The following IL1R2 variants were observed in gnomAD, a reference collection of about 807,000 sequenced individuals.
IL1R2 encodes the protein interleukin-1 receptor type 2.
IL1R2 carries 46 observed loss-of-function variants against 39.5 expected under a neutral mutation model. The observed-to-expected ratio is 1.16, with a 90% confidence interval of 0.92 to 1.49. The LOEUF (loss-of-function observed/expected upper bound fraction) is 1.49, where lower values mean the gene tolerates loss of function less well. Ranked by LOEUF, IL1R2 falls within the 40% of genes most tolerant of loss-of-function variation. The pLI, the probability that IL1R2 is intolerant of heterozygous loss-of-function variation, is 0.00. For synonymous variants in IL1R2, 207 were observed against 189.6 expected, an observed-to-expected ratio of 1.09 and a Z score of -0.75; for missense variants, 537 against 502.0, an observed-to-expected ratio of 1.07 and a Z score of -0.67.
At chr2:102,019,559 T>C in intron 4 of IL1R2, 79 bp from the exon 5 acceptor site, 2 of 1,012,390 alleles carry the variant, frequency 2.0e-6, no homozygotes, top group East Asian at 2.6e-5. Flanking sequence ...CCCACATTGG[T>C]TGATAATGAT....
rs1334099415 is a variant in IL1R2, at chr2:102,015,976, C to T, written c.438C>T (p.Thr146=). ...ACCCGCAAATTTTAACCTTGTCAAC[C>T]TCTGGGGTATTAGTATGCCCTGACC... is the stretch of plus-strand genomic sequence containing the variant. ...ISYPQILTLS[T]SGVLVCPDLS... The change falls in exon 4 of 9, where the codon ACC becomes ACT. Residue 146 remains threonine (T), a synonymous_variant. Coordinates refer to ENST00000332549, the MANE Select transcript of IL1R2 (RefSeq NM_004633.4). 6.2e-7 allele frequency: 1 copy of T among 1,613,848 alleles called. No individual in the cohort carries two copies. The highest frequency in any genetic ancestry group is 1.7e-5 in the Admixed American group (1 of 60,028).
At chr2:102,013,545 AAAAAAAAG>A (rs1676774908) in intron 3 of IL1R2, among the ~76,000 whole-genome samples, 1 of 143,750 alleles carries the variant, frequency 7.0e-6, no homozygotes, top group Non-Finnish European at 1.5e-5. Context: ...AAAAAAAAAA[AAAAAAAAG>A]GAAAGAAAGA....
chr2:102,011,561 A>G lies in IL1R2; in HGVS notation c.332+1735A>G, dbSNP rs75505703. Among the ~76,000 whole-genome samples the G allele has an allele frequency of 1.0e-3, 152 of 152,266 alleles. 3 individuals are homozygous for G. The East Asian group carries it at 0.027, about 27-fold the overall frequency. Reference sequence around the variant, plus strand: ...CTGGAGACACAGACATATCTCCTTTATGGACTCTAAGTCCTTTGCCCATTT... The same window carrying G: ...CTGGAGACACAGACATATCTCCTTTGTGGACTCTAAGTCCTTTGCCCATTT... On this transcript the variant is annotated intron_variant, in intron 3 of 8. Transcript: ENST00000332549.
chr2:102,019,875 A>G (rs1314282621), intron 5 of IL1R2, 63 bp downstream of exon 5: 1 of 1,388,578 alleles, frequency 7.2e-7, no homozygotes. Context: ...CAGAGAACAA[A>G]TGACGGTGCA....
chr2:102,013,564 AAAG>A (rs1416480348), intron 3 of IL1R2, among the ~76,000 whole-genome samples: 1 of 144,318 alleles, frequency 6.9e-6, no homozygotes, highest in Non-Finnish European at 1.5e-5. Flanking sequence ...GAAAGAAAGA[AAAG>A]AAAAGAAGGA....
At chr2:101,996,910 AG>A (rs1423628206) in intron 1 of IL1R2, among the ~76,000 whole-genome samples, 1 of 65,678 alleles carries the variant, frequency 1.5e-5, no homozygotes, top group Non-Finnish European at 2.5e-5. Flanking sequence ...CCACTAGGGC[AG>A]GGGAATTAAG....
intron 3 of IL1R2, 153 bp downstream of exon 3, chr2:102,009,979 C>T (rs964996808): frequency 3.7e-6 from 3 of 811,794 alleles, no homozygotes; most frequent in East Asian, 2.6e-5. Flanking sequence ...TGACACCCCC[C>T]CCAACCCTAC....
At chr2:102,014,357 G>A (rs1425471298) in intron 3 of IL1R2, among the ~76,000 whole-genome samples, 2 of 152,200 alleles carry the variant, frequency 1.3e-5, no homozygotes, top group African/African-American at 4.8e-5. Context: ...ACACAGCACA[G>A]GGTCTGGCCT....
At chr2:102,007,176 T>C (rs1331118929) in intron 1 of IL1R2, among the ~76,000 whole-genome samples, 1 of 152,096 alleles carries the variant, frequency 6.6e-6, no homozygotes, top group African/African-American at 2.4e-5. Context: ...AGGGAACACT[T>C]GTGATAGTGT....
intron 3 of IL1R2, among the ~76,000 whole-genome samples, chr2:102,015,605 C>G (rs1007665801): frequency 6.6e-6 from 1 of 152,136 alleles, no homozygotes; most frequent in Non-Finnish European, 1.5e-5. Flanking sequence ...TAACACAAAA[C>G]GTATTTTGTA....
intron 3 of IL1R2, among the ~76,000 whole-genome samples, chr2:102,011,453 T>C (rs890203024): frequency 7.9e-5 from 12 of 152,238 alleles, no homozygotes; most frequent in Non-Finnish European, 1.6e-4. Context: ...GGGTCTCTCA[T>C]TGTGGCTTTG....
At chr2:102,015,579 G>T (rs1676942784) in intron 3 of IL1R2, among the ~76,000 whole-genome samples, 1 of 152,204 alleles carries the variant, frequency 6.6e-6, no homozygotes, top group Non-Finnish European at 1.5e-5. Context: ...TTAGCCTACA[G>T]CTGGGCAAAG....
chr2:102,024,429 G>A, intron 6 of IL1R2, 104 bp from the exon 7 acceptor site: 1 of 775,564 alleles, frequency 1.3e-6, no homozygotes, highest in Non-Finnish European at 2.3e-6. Flanking sequence ...GAATTGGGTG[G>A]TGAGGGGTGT....
intron 8 of IL1R2, among the ~76,000 whole-genome samples, chr2:102,026,639 G>A (rs1559432246): frequency 6.6e-6 from 1 of 152,146 alleles, no homozygotes; most frequent in Non-Finnish European, 1.5e-5. Flanking sequence ...TCTAAGAGCT[G>A]GGGATTGGGA....
At chr2:102,012,491 C>T (rs1021154790) in intron 3 of IL1R2, among the ~76,000 whole-genome samples, 1 of 151,752 alleles carries the variant, frequency 6.6e-6, no homozygotes, top group African/African-American at 2.4e-5. Context: ...GTGTGTGTGG[C>T]AGGGTATGTG....
chr2:101,999,462 A>G (rs115097950), intron 1 of IL1R2, among the ~76,000 whole-genome samples: 159 of 152,330 alleles, frequency 1.0e-3, no homozygotes, highest in African/African-American at 3.6e-3. Context: ...GTTGGTGGCC[A>G]TGGGGACTTC....
intron 4 of IL1R2, among the ~76,000 whole-genome samples, chr2:102,019,435 C>A (rs2150451712): frequency 6.6e-6 from 1 of 152,232 alleles, no homozygotes. Context: ...CCAAATCTAG[C>A]AATTTTATTT....
At chr2:102,021,480 T>C (rs1677397174) in intron 5 of IL1R2, among the ~76,000 whole-genome samples, 1 of 152,130 alleles carries the variant, frequency 6.6e-6, no homozygotes, top group African/African-American at 2.4e-5. Flanking sequence ...CAAGCCCAGC[T>C]AATTTTTGTA....
chr2:102,021,863 G>A (rs1677423347), intron 5 of IL1R2, among the ~76,000 whole-genome samples: 1 of 152,188 alleles, frequency 6.6e-6, no homozygotes, highest in Non-Finnish European at 1.5e-5. Flanking sequence ...CTATCTCGTG[G>A]ACCTCATAAA....
Sources: allele counts gnomAD v4.1 joint callset (sites outside exome capture counted in the v4.1 genomes callset), GRCh38; gene constraint gnomAD v4.1.1; transcripts MANE v1.5; gene names NCBI Gene and HGNC (gene_info 2026-07-23, HGNC 2026-07-21).